IQCK: variants seen among roughly 807,000 people sequenced by gnomAD.
IQCK encodes IQ motif containing K, also known as IQ domain-containing protein K.
IQCK carries 29 observed loss-of-function variants against 28.1 expected under a neutral mutation model. The ratio of observed to expected loss-of-function variants is 1.03; its 90% CI spans 0.77 to 1.41. The LOEUF (loss-of-function observed/expected upper bound fraction) is 1.41. Ranked by LOEUF, IQCK falls within the 40% of genes most tolerant of loss-of-function variation. IQCK has a pLI of 0.00. For synonymous variants in IQCK, 113 were observed against 115.1 expected, an observed-to-expected ratio of 0.98 and a Z score of 0.12; for missense variants, 359 against 314.7, an observed-to-expected ratio of 1.14 and a Z score of -1.07.
rs2056133901 is a variant in IQCK, at chr16:19,825,337, A to G, written c.691-1689A>G. Among the ~76,000 whole-genome samples, 1 of 152,172 alleles carries G rather than the reference A, an allele frequency of 6.6e-6. No individual in the cohort carries two copies. The highest frequency in any genetic ancestry group is 2.1e-4 in the South Asian group (1 of 4,820). ...GGAGTTCGAGACCAGCCTGACCAACATGGTAAAACCCTGTCTCTACTAAAA... is the reference window on the plus strand; with the variant it reads ...GGAGTTCGAGACCAGCCTGACCAACGTGGTAAAACCCTGTCTCTACTAAAA... On this transcript the variant is annotated intron_variant, in intron 7 of 7. Coordinates refer to ENST00000564186, the Ensembl canonical transcript of IQCK. The surrounding 1 kb of genome is among the most constrained non-coding windows in gnomAD (Gnocchi z 4.2).
At chr16:19,755,462 G>T (rs1168511712) in intron 4 of IQCK, among the ~76,000 whole-genome samples, 1 of 152,194 alleles carries the variant, frequency 6.6e-6, no homozygotes, top group African/African-American at 2.4e-5. Context: ...AGACTGTAGC[G>T]TAGGGAGAGG....
At chr16:19,831,416 C>T (rs1044644998), downstream of IQCK, among the ~76,000 whole-genome samples, 1 of 152,138 alleles carries the variant, frequency 6.6e-6, no homozygotes. Flanking sequence ...TAACTGTCGC[C>T]GAGTTGAATC....
intron 6 of IQCK, among the ~76,000 whole-genome samples, chr16:19,783,638 C>T (rs960825321): frequency 1.6e-4 from 24 of 152,244 alleles, no homozygotes; most frequent in Admixed American, 1.1e-3. Flanking sequence ...TCAAGCTGGC[C>T]TGCTGAAATG....
chr16:19,836,561 G>A (rs1009929881), intron 9 of IQCK, among the ~76,000 whole-genome samples: 1 of 152,130 alleles, frequency 6.6e-6, no homozygotes, highest in Admixed American at 6.5e-5. Flanking sequence ...AACTTCATGA[G>A]CTTCATCTCT....
chr16:19,735,560 C>T (rs1297318001), intron 4 of IQCK, 110 bp downstream of exon 4: 8 of 888,790 alleles, frequency 9.0e-6, no homozygotes, highest in East Asian at 2.6e-5. Context: ...ATGACCCCTT[C>T]GGGAGGGAAA....
chr16:19,839,579 A>C (rs2056341470), intron 9 of IQCK, among the ~76,000 whole-genome samples: 1 of 152,218 alleles, frequency 6.6e-6, no homozygotes, highest in Admixed American at 6.5e-5. Flanking sequence ...TGTCCTCAGC[A>C]TCTAGAACAG....
chr16:19,761,104 C>G (rs1260620615), intron 4 of IQCK: 7 of 271,000 alleles, frequency 2.6e-5, no homozygotes, highest in African/African-American at 1.5e-4. Flanking sequence ...TTGTGCCAAC[C>G]TCCTATCTCA....
At chr16:19,718,719 GA>G (rs780003143) in intron 1 of IQCK, among the ~76,000 whole-genome samples, 1 of 152,164 alleles carries the variant, frequency 6.6e-6, no homozygotes, top group Non-Finnish European at 1.5e-5. Context: ...AAAGGCAAGG[GA>G]ACGGCGAGGG....
chr16:19,765,534 TC>T (rs1354642715), intron 6 of IQCK, among the ~76,000 whole-genome samples: 29 of 151,652 alleles, frequency 1.9e-4, no homozygotes, highest in East Asian at 3.9e-4. Flanking sequence ...TGAGACTCTG[TC>T]TCAAAAAAAA....
chr16:19,842,419 TG>T (rs2141113255), intron 9 of IQCK, among the ~76,000 whole-genome samples: 1 of 152,362 alleles, frequency 6.6e-6, no homozygotes, highest in East Asian at 1.9e-4. Flanking sequence ...TTGGTTCCCA[TG>T]GTTTTAGATT....
intron 6 of IQCK, among the ~76,000 whole-genome samples, chr16:19,778,040 A>G (rs889964627): frequency 6.6e-6 from 1 of 151,798 alleles, no homozygotes; most frequent in Non-Finnish European, 1.5e-5. Context: ...GTGACAGTGC[A>G]GGACTCTGTC....
intron 4 of IQCK, among the ~76,000 whole-genome samples, chr16:19,741,757 C>T (rs964719561): frequency 1.3e-5 from 2 of 152,068 alleles, no homozygotes; most frequent in South Asian, 2.1e-4. Flanking sequence ...GAGGCCGAGG[C>T]GGGAGGATTG....
chr16:19,822,994 T>C (rs1054018448), intron 7 of IQCK, among the ~76,000 whole-genome samples: 3 of 152,086 alleles, frequency 2.0e-5, no homozygotes, highest in African/African-American at 7.2e-5. Context: ...CAATAGGGGA[T>C]AGACGAGAGG....
chr16:19,727,380 A>G (rs897486695), intron 1 of IQCK, among the ~76,000 whole-genome samples: 1 of 152,062 alleles, frequency 6.6e-6, no homozygotes, highest in Non-Finnish European at 1.5e-5. Context: ...TGAGCTTAGG[A>G]GTTCGAGACC....
At chr16:19,823,154 G>T (rs1488748062) in intron 7 of IQCK, among the ~76,000 whole-genome samples, 1 of 152,040 alleles carries the variant, frequency 6.6e-6, no homozygotes, top group East Asian at 1.9e-4. Flanking sequence ...CTCCCTCAAA[G>T]GATAGCAGTG....
rs200637567 is a variant in IQCK at position 19,735,338 on chromosome 16, G to C, written c.377-15G>C. On this transcript the variant is annotated splice_polypyrimidine_tract_variant and intron_variant, in intron 3 of 7. Transcript: ENST00000564186. Reference sequence around the variant, plus strand: ...CTGGGGATTTGCAGGGGGAATTTTTGTTTGTTTGTTTTAGGTTCTCCCAAA... The same window carrying C: ...CTGGGGATTTGCAGGGGGAATTTTTCTTTGTTTGTTTTAGGTTCTCCCAAA... The C allele has an allele frequency of 1.3e-6, 2 of 1,594,940 alleles. No individual in the cohort carries two copies. Among genetic ancestry groups the C allele is most frequent in the South Asian group, 1.1e-5 (1 of 90,416 alleles).
intron 7 of IQCK, among the ~76,000 whole-genome samples, chr16:19,826,654 A>T (rs1468336331): frequency 6.6e-6 from 1 of 152,252 alleles, no homozygotes; most frequent in Non-Finnish European, 1.5e-5. Context: ...CTGGGATTAC[A>T]GGCGTAAGCC....
At chr16:19,735,252 G>C (rs1977974273) in intron 3 of IQCK, 101 bp from the exon 4 acceptor site, 2 of 782,022 alleles carry the variant, frequency 2.6e-6, no homozygotes, top group Admixed American at 2.1e-5. Flanking sequence ...TCATGTGATT[G>C]AATGGACAGT....
At chr16:19,856,242 G>C (rs891673046) in intron 9 of IQCK, among the ~76,000 whole-genome samples, 15 of 152,196 alleles carry the variant, frequency 9.9e-5, no homozygotes, top group South Asian at 4.1e-4. Context: ...ACCTCTTTCT[G>C]AACTGAATTA....
Sources: allele counts gnomAD v4.1 joint callset (sites outside exome capture counted in the v4.1 genomes callset), GRCh38; gene constraint gnomAD v4.1.1; non-coding constraint Gnocchi (gnomAD v3.1); transcripts MANE v1.5; gene names NCBI Gene and HGNC (gene_info 2026-07-23, HGNC 2026-07-21).